The following KCNA6 variants were observed in gnomAD, a reference collection of about 807,000 sequenced individuals.
KCNA6 encodes human brain potassium channel-2.
In KCNA6, 17 loss-of-function variants were observed where a neutral mutation model predicts 29.5. The ratio of observed to expected loss-of-function variants is 0.58; its 90% CI spans 0.39 to 0.86. The LOEUF (loss-of-function observed/expected upper bound fraction) is 0.86. Ranked by LOEUF, KCNA6 falls within the 40% of genes least tolerant of loss-of-function variation. The probability of loss-of-function intolerance (pLI) is 0.00; values close to 1 mark genes in which losing one functional copy is unlikely to be tolerated. For missense variants in KCNA6, 450 were observed against 703.4 expected (o/e 0.64, Z 4.07); for synonymous variants, 296 against 304.7 (o/e 0.97, Z 0.30).
the KCNA6 span, among the ~76,000 whole-genome samples, chr12:4,823,574 C>G: frequency 6.6e-6 from 1 of 152,066 alleles, no homozygotes; most frequent in Non-Finnish European, 1.5e-5. Context: ...CGAGATGAGC[C>G]TGGCCAATAT....
downstream of KCNA6, among the ~76,000 whole-genome samples, chr12:4,817,982 T>G (rs1379699468): frequency 1.3e-5 from 2 of 152,218 alleles, no homozygotes; most frequent in Non-Finnish European, 2.9e-5. Flanking sequence ...GGCGCTGCTA[T>G]TTTTGACATG....
At chr12:4,832,558 CAT>C in the KCNA6 span, among the ~76,000 whole-genome samples, 15 of 152,172 alleles carry the variant, frequency 9.9e-5, 1 homozygote, top group Admixed American at 9.8e-4. Context: ...TTCTTCACCT[CAT>C]AGAATGAACA....
At chr12:4,828,651 T>G in the KCNA6 span, among the ~76,000 whole-genome samples, 1 of 152,218 alleles carries the variant, frequency 6.6e-6, no homozygotes, top group Non-Finnish European at 1.5e-5. Flanking sequence ...GGCTTATGTG[T>G]ACCAGCGCAT....
downstream of KCNA6, among the ~76,000 whole-genome samples, chr12:4,818,187 C>T (rs1946699361): frequency 6.6e-6 from 1 of 152,238 alleles, no homozygotes; most frequent in African/African-American, 2.4e-5. Flanking sequence ...GATTTATCCT[C>T]ACCTAGGGAA....
Position 4,810,799 on chromosome 12 carries a change from C to T in KCNA6, c.758C>T (p.Thr253Ile). ...ACCGGGGGCTCCTCCTCACTCAGTA[C>T]TCTTGGGGGCTCCTTCTTTACAGAC... Residue 253 changes from threonine to isoleucine, a missense_variant, in exon 1 of 1, where the codon ACT (threonine) becomes ATT (isoleucine). By Grantham distance (89) the Thr-to-Ile change is moderately conservative. This residue lies in a region of KCNA6 where 74 missense variants were observed against 71.5 expected (regional missense o/e 1.03). Coordinates refer to ENST00000280684, the Ensembl canonical transcript of KCNA6. The surrounding 1 kb of genome is among the most constrained non-coding windows in gnomAD (Gnocchi z 7.5). 2 of 1,590,740 alleles carry T rather than the reference C, an allele frequency of 1.3e-6. No individual in the cohort carries two copies. The highest frequency in any genetic ancestry group is 1.7e-6 in the Non-Finnish European group (2 of 1,169,018).
chr12:4,815,234 A>G (rs965186), downstream of KCNA6, among the ~76,000 whole-genome samples: 19,721 of 152,136 alleles, frequency 0.13, 1,569 homozygotes, highest in African/African-American at 0.21. Context: ...GAGGTCGCAC[A>G]TTGAACTGTA....
downstream of KCNA6, among the ~76,000 whole-genome samples, chr12:4,816,901 C>A (rs1382929712): frequency 6.6e-6 from 1 of 152,220 alleles, no homozygotes; most frequent in African/African-American, 2.4e-5. Flanking sequence ...CTGGACCCTC[C>A]CTTCCCTCTC....
chr12:4,829,405 C>T, the KCNA6 span, among the ~76,000 whole-genome samples: 1 of 152,214 alleles, frequency 6.6e-6, no homozygotes, highest in Non-Finnish European at 1.5e-5. Context: ...AAACTTTTCA[C>T]TGGCATAACG....
chr12:4,830,819 A>C, the KCNA6 span, among the ~76,000 whole-genome samples: 1 of 152,350 alleles, frequency 6.6e-6, no homozygotes, highest in East Asian at 1.9e-4. Context: ...CAATGCGGGC[A>C]GGGGCGCTGC....
chr12:4,824,848 A>G, the KCNA6 span, among the ~76,000 whole-genome samples: 2 of 152,262 alleles, frequency 1.3e-5, no homozygotes, highest in African/African-American at 4.8e-5. Context: ...TTTACCTTCA[A>G]CATTTCAGGG....
chr12:4,811,460 G>C lies in KCNA6; in HGVS notation c.1419G>C (p.Glu473Asp), dbSNP rs559236803. 1.9e-6 allele frequency: 3 copies of C among 1,614,224 alleles called. No homozygotes were observed. In the African/African-American group the frequency reaches 4.0e-5, roughly 22 times the overall value. The change falls in exon 1 of 1, where the codon GAG (glutamate) becomes GAC (aspartate). Residue 473 changes from glutamate (E) to aspartate (D), a missense_variant. Glu to Asp is a conservative substitution (Grantham distance 45). This residue lies in a region of KCNA6 where 57 missense variants were observed against 140.3 expected (regional missense o/e 0.41). Coordinates refer to ENST00000280684, the Ensembl canonical transcript of KCNA6. The surrounding 1 kb of genome is among the most constrained non-coding windows in gnomAD (Gnocchi z 7.1). ...ACCACCGGGAGACGGAGCAGGAGGA[G>C]CAAGGCCAGTATACCCACGTCACTT...
chr12:4,831,967 A>G, the KCNA6 span, among the ~76,000 whole-genome samples: 2 of 152,172 alleles, frequency 1.3e-5, no homozygotes, highest in African/African-American at 2.4e-5. Context: ...AGGGTGTTCT[A>G]TTGAGTAGAA....
At chr12:4,819,208 G>T in the KCNA6 span, among the ~76,000 whole-genome samples, 1 of 152,090 alleles carries the variant, frequency 6.6e-6, no homozygotes, top group East Asian at 1.9e-4. Context: ...TACTGCCACT[G>T]ATCTCCCTCT....
At chr12:4,836,048 T>G in the KCNA6 span, among the ~76,000 whole-genome samples, 1 of 150,424 alleles carries the variant, frequency 6.6e-6, no homozygotes, top group African/African-American at 2.4e-5. Context: ...CAAGTGATTC[T>G]CCTGCCTAAG....
chr12:4,823,997 C>T, the KCNA6 span, among the ~76,000 whole-genome samples: 2 of 152,128 alleles, frequency 1.3e-5, no homozygotes, highest in African/African-American at 4.8e-5. Context: ...TATCTGTCCA[C>T]CCTGAGGAAG....
chr12:4,849,359 C>T, the KCNA6 span, among the ~76,000 whole-genome samples: 1 of 152,042 alleles, frequency 6.6e-6, no homozygotes, highest in African/African-American at 2.4e-5. Flanking sequence ...TCCTGAATCA[C>T]ATGTGTGTGG....
the KCNA6 span, among the ~76,000 whole-genome samples, chr12:4,834,575 G>A: frequency 6.6e-6 from 1 of 152,156 alleles, no homozygotes; most frequent in African/African-American, 2.4e-5. Context: ...CAGGGCTTAT[G>A]TGAGGGCTCA....
chr12:4,847,144 T>G, the KCNA6 span, among the ~76,000 whole-genome samples: 2 of 152,228 alleles, frequency 1.3e-5, no homozygotes, highest in East Asian at 1.9e-4. Flanking sequence ...AAGTAGTTGC[T>G]TTGATGAGGA....
chr12:4,850,509 A>T, the KCNA6 span, among the ~76,000 whole-genome samples: 1 of 152,132 alleles, frequency 6.6e-6, no homozygotes. This position sits in a 1 kb window ranked among gnomAD's most constrained non-coding sequence, Gnocchi z 5.4. Context: ...CAGGTTGTAC[A>T]AGCTCATAGT....
Sources: gnomAD v4.1 joint callset for allele counts (sites outside exome capture counted in the v4.1 genomes callset) on GRCh38, gnomAD v4.1.1 for gene constraint, gnomAD v4.1.1 regional missense constraint, Gnocchi (gnomAD v3.1) non-coding constraint, MANE v1.5 for transcripts, NCBI Gene and HGNC (gene_info 2026-07-23, HGNC 2026-07-21) for gene names.